Variants in ZSCAN25 observed in about 807,000 individuals in gnomAD.
ZSCAN25 encodes the protein zinc finger and SCAN domain containing 25.
In ZSCAN25, 27 loss-of-function variants were observed where a neutral mutation model predicts 38.7. The ratio of observed to expected loss-of-function variants is 0.70; its 90% CI spans 0.51 to 0.96. The LOEUF (loss-of-function observed/expected upper bound fraction) is 0.96. ZSCAN25 is among the 40% of genes least tolerant of loss of function. ZSCAN25 has a pLI of 0.00. For synonymous variants in ZSCAN25, 273 were observed against 277.7 expected (o/e 0.98, Z 0.17); for missense variants, 637 against 705.9 (o/e 0.90, Z 1.11).
At chr7:99,677,871 T>G in the ZSCAN25 span, among the ~76,000 whole-genome samples, 1 of 152,200 alleles carries the variant, frequency 6.6e-6, no homozygotes, top group Non-Finnish European at 1.5e-5. Context: ...GCTATTGAGT[T>G]AATGTGTCAG....
chr7:99,670,811 A>C, the ZSCAN25 span: 1 of 152,204 alleles, frequency 6.6e-6, no homozygotes, highest in Admixed American at 6.5e-5. Flanking sequence ...GCACCTTGAG[A>C]ACTCACTGAG....
chr7:99,617,183 C>T (rs961636989), intron 1 of ZSCAN25, among the ~76,000 whole-genome samples, 167 bp downstream of exon 1: 1 of 152,190 alleles, frequency 6.6e-6, no homozygotes, highest in Non-Finnish European at 1.5e-5. Flanking sequence ...GAGCTGCCTT[C>T]AGCGGCCCCG....
At chr7:99,635,887 A>G (rs567475663), downstream of ZSCAN25, among the ~76,000 whole-genome samples, 919 of 152,154 alleles carry the variant, frequency 6.0e-3, 7 homozygotes, top group African/African-American at 0.019. Context: ...GTCTGCTAAA[A>G]ATACAAAAAA....
chr7:99,714,838 G>C, the ZSCAN25 span, among the ~76,000 whole-genome samples: 1 of 152,100 alleles, frequency 6.6e-6, no homozygotes. Context: ...CCTCTTCCAG[G>C]CCAGTGGCTG....
the ZSCAN25 span, chr7:99,638,903 GC>G: frequency 1.8e-6 from 1 of 543,904 alleles, no homozygotes; most frequent in Non-Finnish European, 3.3e-6. Context: ...AAGGGCAGAG[GC>G]CCAGGCCTGT....
At chr7:99,682,466 ATTCT>A in the ZSCAN25 span, among the ~76,000 whole-genome samples, 2 of 152,082 alleles carry the variant, frequency 1.3e-5, no homozygotes, top group African/African-American at 2.4e-5. Flanking sequence ...TGGGTTCTCT[ATTCT>A]ATTTCATTGG....
chr7:99,634,479 C>A (rs994824603), downstream of ZSCAN25, among the ~76,000 whole-genome samples: 2 of 152,038 alleles, frequency 1.3e-5, no homozygotes, highest in Non-Finnish European at 2.9e-5. Context: ...CATGGTGAGA[C>A]CTTGTCTTTA....
At chr7:99,713,010 A>C in the ZSCAN25 span, among the ~76,000 whole-genome samples, 1 of 152,232 alleles carries the variant, frequency 6.6e-6, no homozygotes, top group Non-Finnish European at 1.5e-5. Flanking sequence ...AAAAATTGCC[A>C]GTTAAAATCG....
At chr7:99,650,145 A>C in the ZSCAN25 span, 7 of 1,614,050 alleles carry the variant, frequency 4.3e-6, no homozygotes, top group African/African-American at 1.3e-5. Context: ...TGTTCATGAG[A>C]GCAAACCTCA....
chr7:99,651,059 A>G, the ZSCAN25 span, among the ~76,000 whole-genome samples: 32 of 152,330 alleles, frequency 2.1e-4, no homozygotes, highest in Non-Finnish European at 4.4e-5. Context: ...TTTGGAGAGC[A>G]TTCTGAAATA....
the ZSCAN25 span, among the ~76,000 whole-genome samples, chr7:99,730,113 A>G: frequency 1.3e-5 from 2 of 152,214 alleles, no homozygotes; most frequent in Admixed American, 6.5e-5. Flanking sequence ...AAATAAGCTC[A>G]TAATTTTCCA....
At chr7:99,659,687 G>A in the ZSCAN25 span, 1 of 152,558 alleles carries the variant, frequency 6.6e-6, no homozygotes. Context: ...AGTCTACAGA[G>A]GCAGGCAGAC....
At chr7:99,637,835 A>G in the ZSCAN25 span, among the ~76,000 whole-genome samples, 2 of 152,240 alleles carry the variant, frequency 1.3e-5, no homozygotes, top group African/African-American at 4.8e-5. Flanking sequence ...GTCTGCATGA[A>G]TGCAAAATAA....
chr7:99,656,182 T>C, the ZSCAN25 span, among the ~76,000 whole-genome samples: 16 of 152,310 alleles, frequency 1.1e-4, no homozygotes, highest in African/African-American at 3.6e-4. Context: ...ATGATTCCAG[T>C]TTTTGTCCAT....
chr7:99,665,199 A>C, the ZSCAN25 span: 1 of 1,613,930 alleles, frequency 6.2e-7, no homozygotes, highest in East Asian at 2.2e-5. Context: ...AAGAAACCAA[A>C]TTTTAGGAAC....
the ZSCAN25 span, chr7:99,647,874 T>C: frequency 1.0e-6 from 1 of 984,934 alleles, no homozygotes; most frequent in South Asian, 4.7e-5. Flanking sequence ...TTTTATCACT[T>C]CGCTTAATAT....
rs778708078 is a variant in ZSCAN25, at chr7:99,629,387, G to T, written c.1002G>T (p.Leu334=). 1 of 1,614,186 alleles carries T rather than the reference G, an allele frequency of 6.2e-7. No individual in the cohort carries two copies. Residue 334 remains leucine, a synonymous_variant, in exon 8 of 8, where the codon CTG becomes CTT. Transcript: ENST00000394152. The surrounding 1 kb of genome is among the most constrained non-coding windows in gnomAD (Gnocchi z 5.6). ...CTCCCCAGCACGGTGCCATCCCCCTGCCTGACGAAGTCAAAACCCACAGCT... is the reference window on the plus strand; with the variant it reads ...CTCCCCAGCACGGTGCCATCCCCCTTCCTGACGAAGTCAAAACCCACAGCT... ...LPPPQHGAIP[L]PDEVKTHSSF...
intron 4 of ZSCAN25, 43 bp downstream of exon 4, chr7:99,620,036 C>T (rs778100839): frequency 3.2e-6 from 5 of 1,551,468 alleles, no homozygotes; most frequent in Non-Finnish European, 4.3e-6. Context: ...TTGGCGTGGG[C>T]AGGGAATGTT....
At chr7:99,714,546 A>G in the ZSCAN25 span, 2 of 1,612,182 alleles carry the variant, frequency 1.2e-6, no homozygotes, top group Admixed American at 3.3e-5. Flanking sequence ...AACTACCACC[A>G]CGTTTTACCT....
Sources: allele counts gnomAD v4.1 joint callset (sites outside exome capture counted in the v4.1 genomes callset), GRCh38; gene constraint gnomAD v4.1.1; non-coding constraint Gnocchi (gnomAD v3.1); transcripts MANE v1.5; gene names NCBI Gene and HGNC (gene_info 2026-07-23, HGNC 2026-07-21).